SPAG16: variants seen among roughly 807,000 people sequenced by gnomAD.
The protein encoded by SPAG16 is sperm-associated antigen 16 protein.
Under a neutral mutation model 80.4 loss-of-function variants are expected in SPAG16, and 86 were observed. The ratio of observed to expected loss-of-function variants is 1.07; its 90% CI spans 0.90 to 1.28. SPAG16 has a LOEUF of 1.28. Among genes scored for constraint, SPAG16 ranks in the 50% most tolerant of loss-of-function variants. The pLI, the probability that SPAG16 is intolerant of heterozygous loss-of-function variation, is 0.00. For synonymous variants in SPAG16, 294 were observed against 265.9 expected, an observed-to-expected ratio of 1.11 and a Z score of -1.03; for missense variants, 870 against 765.3, an observed-to-expected ratio of 1.14 and a Z score of -1.61.
intron 15 of SPAG16, among the ~76,000 whole-genome samples, chr2:214,339,901 G>A (rs1697549260): frequency 6.6e-6 from 1 of 152,156 alleles, no homozygotes; most frequent in South Asian, 2.1e-4. Flanking sequence ...TTATCCAGGT[G>A]GGCCTGACCT....
intron 14 of SPAG16, among the ~76,000 whole-genome samples, chr2:214,123,715 CA>C (rs1355943691): frequency 6.6e-6 from 1 of 151,864 alleles, no homozygotes; most frequent in Non-Finnish European, 1.5e-5. Context: ...GCTTAAAATG[CA>C]ATGATCAGAG....
intron 13 of SPAG16, among the ~76,000 whole-genome samples, chr2:214,043,375 C>A (rs543736383): frequency 6.6e-6 from 1 of 152,044 alleles, no homozygotes; most frequent in Non-Finnish European, 1.5e-5. Context: ...TCCATTTAAC[C>A]AAATATCTCA....
At chr2:213,541,351 G>A (rs2076440773) in intron 10 of SPAG16, among the ~76,000 whole-genome samples, 1 of 152,312 alleles carries the variant, frequency 6.6e-6, no homozygotes, top group Middle Eastern at 3.4e-3. Context: ...ATGCACGGTG[G>A]CTCACACCTG....
rs367840752 is a variant in SPAG16 at position 213,294,596 on chromosome 2, T to C, written c.137-1468T>C. Among the ~76,000 whole-genome samples, 3 of 152,328 alleles carry C rather than the reference T, an allele frequency of 2.0e-5. No individual in the cohort carries two copies. The East Asian group carries it at 5.8e-4, about 29-fold the overall frequency. On this transcript the variant is annotated intron_variant, in intron 1 of 15. Coordinates refer to ENST00000331683, the MANE Select transcript of SPAG16 (RefSeq NM_024532.5). ...TGTTATTAGGAGAGGCACTTATTCA[T>C]GTTTTACAATAAAATACTGACCTTT...
intron 11 of SPAG16, among the ~76,000 whole-genome samples, chr2:213,908,047 C>T (rs567496628): frequency 7.6e-4 from 116 of 152,274 alleles, no homozygotes; most frequent in African/African-American, 2.6e-3. Context: ...AAATGCTTGA[C>T]GTGGTGAATA....
intron 11 of SPAG16, among the ~76,000 whole-genome samples, chr2:213,911,715 T>C (rs1427564043): frequency 1.3e-5 from 2 of 151,524 alleles, no homozygotes; most frequent in Non-Finnish European, 2.9e-5. Context: ...ATATTCTCCA[T>C]GGAAAGAAAA....
At chr2:213,404,365 G>A (rs1248480911) in intron 9 of SPAG16, among the ~76,000 whole-genome samples, 1 of 152,098 alleles carries the variant, frequency 6.6e-6, no homozygotes, top group Non-Finnish European at 1.5e-5. Context: ...CAGAGATATA[G>A]ACCAATGGAA....
chr2:213,459,461 GTGA>G lies in SPAG16; in HGVS notation c.943-30500_943-30498del, dbSNP rs1265194950. ...ATTCCATGTCACCTTAATCCAATGGGTGATTGAGATGATTCAAAGTTTCACTTT... is the reference window on the plus strand; with the variant it reads ...ATTCCATGTCACCTTAATCCAATGGGTTGAGATGATTCAAAGTTTCACTTT... On this transcript the variant is annotated intron_variant, in intron 9 of 15. Transcript: ENST00000331683. Among the ~76,000 whole-genome samples, 4 of 152,158 alleles carry G rather than the reference GTGA, an allele frequency of 2.6e-5. 1 individual carries two copies. The East Asian group carries it at 7.7e-4, about 29-fold the overall frequency.
chr2:214,093,830 G>A (rs1024373073), intron 13 of SPAG16, among the ~76,000 whole-genome samples: 5 of 151,948 alleles, frequency 3.3e-5, no homozygotes, highest in Non-Finnish European at 7.4e-5. Context: ...ATATATAAAT[G>A]GCATGCTCTG....
chr2:213,427,174 C>A (rs184180109), intron 9 of SPAG16, among the ~76,000 whole-genome samples: 1 of 152,038 alleles, frequency 6.6e-6, no homozygotes, highest in Non-Finnish European at 1.5e-5. Context: ...AAGTTGTGAA[C>A]ATAAAATAAT....
chr2:213,550,160 T>C (rs1273244168), intron 10 of SPAG16, among the ~76,000 whole-genome samples: 1 of 152,078 alleles, frequency 6.6e-6, no homozygotes, highest in Non-Finnish European at 1.5e-5. Flanking sequence ...ACTTCCTTAC[T>C]TTTACAATTT....
intron 15 of SPAG16, among the ~76,000 whole-genome samples, chr2:214,275,275 G>GT (rs1366690605): frequency 3.3e-5 from 5 of 152,212 alleles, no homozygotes; most frequent in Admixed American, 1.3e-4. Context: ...TTTTTGAAGG[G>GT]TTTTTTGTGT....
intron 13 of SPAG16, among the ~76,000 whole-genome samples, chr2:214,023,221 T>C (rs1400788741): frequency 1.3e-5 from 2 of 151,848 alleles, no homozygotes; most frequent in Non-Finnish European, 2.9e-5. Flanking sequence ...AAAAATGTAG[T>C]AGAAGCTGTG....
chr2:214,116,537 A>G (rs1409491708), intron 14 of SPAG16, among the ~76,000 whole-genome samples: 1 of 152,174 alleles, frequency 6.6e-6, no homozygotes, highest in Non-Finnish European at 1.5e-5. Context: ...GTCACACAGC[A>G]GATCCTGAGA....
chr2:213,617,949 T>C (rs1156940248), intron 10 of SPAG16, among the ~76,000 whole-genome samples: 1 of 152,168 alleles, frequency 6.6e-6, no homozygotes, highest in African/African-American at 2.4e-5. Flanking sequence ...AAAACTTTCC[T>C]TTGTACACAG....
intron 7 of SPAG16, among the ~76,000 whole-genome samples, chr2:213,359,363 C>T (rs58328649): frequency 0.014 from 2,196 of 152,246 alleles, 46 homozygotes; most frequent in African/African-American, 0.049. Flanking sequence ...TTTTGTTCAG[C>T]TATGCCCTGC....
At chr2:213,961,592 T>A (rs186342667) in intron 12 of SPAG16, among the ~76,000 whole-genome samples, 6 of 151,640 alleles carry the variant, frequency 4.0e-5, no homozygotes, top group Admixed American at 2.0e-4. Flanking sequence ...CTAGTTTTTT[T>A]TTTTTTTTGC....
chr2:213,643,383 TA>T (rs1378183701), intron 10 of SPAG16, among the ~76,000 whole-genome samples: 2 of 75,344 alleles, frequency 2.7e-5, no homozygotes, highest in African/African-American at 6.1e-5. Flanking sequence ...TATATATATA[TA>T]TATATATATA....
At chr2:214,177,971 G>GTA (rs34460783) in intron 15 of SPAG16, among the ~76,000 whole-genome samples, 1,337 of 58,774 alleles carry the variant, frequency 0.023, 5 homozygotes, top group East Asian at 0.041. Context: ...CAAAGTGTAT[G>GTA]TATATATATA....
Sources: gnomAD v4.1 joint callset for allele counts (sites outside exome capture counted in the v4.1 genomes callset) on GRCh38, gnomAD v4.1.1 for gene constraint, MANE v1.5 for transcripts, NCBI Gene and HGNC (gene_info 2026-07-23, HGNC 2026-07-21) for gene names.